FRY: variants seen among roughly 807,000 people sequenced by gnomAD.
FRY encodes the protein protein furry homolog.
Under a neutral mutation model 348.4 loss-of-function variants are expected in FRY, and 128 were observed. The ratio of observed to expected loss-of-function variants is 0.37; its 90% confidence interval spans 0.32 to 0.43. The LOEUF is 0.43. FRY is among the 20% of genes least tolerant of loss of function. FRY has a pLI of 1.00. For missense variants in FRY, 2,736 were observed against 3,695.2 expected, an observed-to-expected ratio of 0.74 and a Z score of 6.73; for synonymous variants, 1,370 against 1,374.7, an observed-to-expected ratio of 1.00 and a Z score of 0.08.
intron 3 of FRY, among the ~76,000 whole-genome samples, chr13:32,114,527 G>A (rs371647812): frequency 5.9e-4 from 89 of 151,882 alleles, no homozygotes; most frequent in Non-Finnish European, 3.4e-4. Flanking sequence ...TCTTTTTTCC[G>A]TTCCAAGATA....
intron 55 of FRY, among the ~76,000 whole-genome samples, chr13:32,272,797 G>A (rs755031959): frequency 5.3e-5 from 8 of 152,000 alleles, no homozygotes; most frequent in African/African-American, 1.7e-4. Flanking sequence ...GTGCAGTAGC[G>A]CGATCTTGGC....
At chr13:32,258,598 G>A (rs926793009) in intron 51 of FRY, among the ~76,000 whole-genome samples, 1 of 140,860 alleles carries the variant, frequency 7.1e-6, no homozygotes, top group Admixed American at 7.3e-5. Context: ...GGGTAACAGA[G>A]CAAGACTCTG....
At chr13:32,268,493 A>C (rs369217219) in intron 55 of FRY, among the ~76,000 whole-genome samples, 1 of 13,254 alleles carries the variant, frequency 7.5e-5, no homozygotes, top group African/African-American at 2.0e-4. Context: ...GTTTAAAAAA[A>C]AAAAAAAAAA....
At chr13:32,061,217 C>T (rs9594836) in intron 1 of FRY, 1 of 524,594 alleles carries the variant, frequency 1.9e-6, no homozygotes, top group Non-Finnish European at 3.9e-6. Context: ...TTGTTAAATG[C>T]TGAGTATGGG....
In FRY at chr13:32,218,618, G is replaced by A; in HGVS notation, c.4683-131G>A. 4 of 628,672 alleles carry A rather than the reference G, an allele frequency of 6.4e-6. No homozygotes were observed. In the South Asian group the frequency reaches 6.5e-5, roughly 10 times the overall value. 38.9% of individuals were successfully genotyped at this position (628,672 alleles called of 1,614,324 possible). ...TGCTTGAACCTGGAAGGCGGAGATT[G>A]CAGTGAGCCAAGATCGCACCACGGT... On this transcript the variant is annotated intron_variant, in intron 35 of 60. Transcript: ENST00000542859.
In FRY at chr13:32,161,196, C is replaced by A. The variant is rs1384321737; in HGVS notation, c.1837C>A (p.Pro613Thr). The A allele has an allele frequency of 3.1e-6, 5 of 1,613,450 alleles. No homozygotes were observed. In the South Asian group the frequency reaches 5.5e-5, roughly 18 times the overall value. The part of the protein sequence containing the change: ...DLFRTCVAAI[P>T]RLLPDGMSKL... ...TTTCAGGACCTGTGTTGCTGCTATTCCTCGACTGCTTCCTGATGGGATGTC... is the reference window on the plus strand; with the variant it reads ...TTTCAGGACCTGTGTTGCTGCTATTACTCGACTGCTTCCTGATGGGATGTC... The change falls in exon 17 of 61, where the codon CCT (proline) becomes ACT (threonine). Residue 613 changes from proline (P) to threonine (T), a missense_variant. By Grantham distance (38) the Pro-to-Thr change is conservative. Around this residue, in one of 9 missense-constraint regions of FRY, gnomAD observed 191 missense variants for 370.2 expected, o/e 0.52. Transcript: ENST00000542859.
chr13:32,210,118 CAG>C (rs1884602195), intron 33 of FRY, among the ~76,000 whole-genome samples: 2 of 152,144 alleles, frequency 1.3e-5, no homozygotes, highest in South Asian at 2.1e-4. Flanking sequence ...GCTCTTGAAA[CAG>C]AATAAGAAAG....
At position 32,173,412 on chromosome 13, in the gene FRY, C is replaced by A. The variant is rs776837299; in HGVS notation, c.2197C>A (p.Pro733Thr). The A allele has an allele frequency of 2.2e-5, 36 of 1,612,250 alleles. No individual in the cohort carries two copies. The highest frequency in any genetic ancestry group is 3.1e-5 in the Non-Finnish European group (36 of 1,179,622). The change falls in exon 19 of 61, where the codon CCC (proline) becomes ACC (threonine). Residue 733 changes from proline (P) to threonine (T), a missense_variant. This residue lies in a region of FRY where 449 missense variants were observed against 576.9 expected (regional missense o/e 0.78). Coordinates refer to ENST00000542859, the MANE Select transcript of FRY (RefSeq NM_023037.3). ...TCACAGAATTCAGTCGGAACGAGGT[C>A]CCCACTGCAGTGTACTCCACGCTGT... ...SSHRIQSERG[P>T]HCSVLHAVEG...
At chr13:32,048,358 C>G (rs1873139545) in intron 1 of FRY, among the ~76,000 whole-genome samples, 1 of 152,148 alleles carries the variant, frequency 6.6e-6, no homozygotes, top group African/African-American at 2.4e-5. Context: ...TAACCCTCAC[C>G]TGTTGTTTTG....
intron 28 of FRY, among the ~76,000 whole-genome samples, chr13:32,193,224 A>G (rs1474140720): frequency 6.6e-6 from 1 of 151,474 alleles, no homozygotes; most frequent in African/African-American, 2.4e-5. Context: ...GATTAAAAAG[A>G]GTCTACTGAG....
At chr13:32,182,938 A>C in intron 23 of FRY, 39 bp from the exon 24 acceptor site, 1 of 1,389,198 alleles carries the variant, frequency 7.2e-7, no homozygotes, top group Non-Finnish European at 1.0e-6. Flanking sequence ...TTTGGTGTCA[A>C]AAACAATGAA....
chr13:32,203,705 A>C (rs554109329), intron 31 of FRY, among the ~76,000 whole-genome samples: 18 of 142,940 alleles, frequency 1.3e-4, no homozygotes, highest in African/African-American at 4.7e-4. Flanking sequence ...CCTAGGCAAC[A>C]GAGTGAGACT....
chr13:32,288,242 A>G (rs149819357), intron 58 of FRY, among the ~76,000 whole-genome samples: 86 of 152,314 alleles, frequency 5.6e-4, no homozygotes, highest in African/African-American at 2.0e-3. Context: ...TCTGGCAGTT[A>G]TCTTTTATAC....
chr13:32,039,711 T>C (rs1189560795), intron 1 of FRY, among the ~76,000 whole-genome samples: 1 of 152,192 alleles, frequency 6.6e-6, no homozygotes, highest in Non-Finnish European at 1.5e-5. Context: ...CTGATTTGGT[T>C]TAATTCCTTT....
intron 1 of FRY, among the ~76,000 whole-genome samples, chr13:32,059,908 T>A (rs1873845165): frequency 6.6e-6 from 1 of 152,224 alleles, no homozygotes; most frequent in South Asian, 2.1e-4. Context: ...AAACCCTGAA[T>A]GTGTAAAATG....
chr13:32,116,646 G>A (rs1878319759), intron 3 of FRY, among the ~76,000 whole-genome samples: 1 of 152,090 alleles, frequency 6.6e-6, no homozygotes, highest in African/African-American at 2.4e-5. Context: ...TTTGCATAGA[G>A]TAATGAGATA....
intron 59 of FRY, among the ~76,000 whole-genome samples, chr13:32,290,875 T>C (rs1360355472): frequency 6.6e-6 from 1 of 151,986 alleles, no homozygotes; most frequent in Admixed American, 6.5e-5. Context: ...TTCCATCTTA[T>C]AGAAACCAGG....
intron 2 of FRY, among the ~76,000 whole-genome samples, chr13:32,079,460 G>A (rs950138605): frequency 1.3e-5 from 2 of 152,118 alleles, no homozygotes; most frequent in Non-Finnish European, 2.9e-5. Context: ...TGTGGACTTC[G>A]AGTTTGAGAA....
At chr13:32,235,160 CCT>C (rs1371049692) in intron 42 of FRY, among the ~76,000 whole-genome samples, 2 of 152,150 alleles carry the variant, frequency 1.3e-5, no homozygotes, top group Non-Finnish European at 2.9e-5. Context: ...CAAAGCACTA[CCT>C]CTCTCTCTAT....
Sources: gnomAD v4.1 joint callset for allele counts (sites outside exome capture counted in the v4.1 genomes callset) on GRCh38, gnomAD v4.1.1 for gene constraint, gnomAD v4.1.1 regional missense constraint, MANE v1.5 for transcripts, NCBI Gene and HGNC (gene_info 2026-07-23, HGNC 2026-07-21) for gene names.